CABLES2: variants seen among roughly 807,000 people sequenced by gnomAD.
CABLES2 encodes the protein Cdk5 and Abl enzyme substrate 2.
Under a neutral mutation model 44.8 loss-of-function variants are expected in CABLES2, and 35 were observed. That is an observed-to-expected ratio of 0.78 (90% CI 0.60 to 1.04). CABLES2 has a LOEUF of 1.04. Among genes scored for constraint, CABLES2 ranks in the 50% least tolerant of loss-of-function variants. The probability of loss-of-function intolerance (pLI) is 0.00; values close to 1 mark genes in which losing one functional copy is unlikely to be tolerated. For missense variants in CABLES2, 566 were observed against 615.7 expected (o/e 0.92, Z 0.85); for synonymous variants, 282 against 281.1 (o/e 1.00, Z -0.03).
chr20:62,394,845 G>A (rs914587282), intron 4 of CABLES2, 92 bp downstream of exon 4: 61 of 1,177,090 alleles, frequency 5.2e-5, no homozygotes, highest in Non-Finnish European at 1.8e-5. Flanking sequence ...TGGGGGCGCA[G>A]TGCCCGCTGA....
At chr20:62,406,825 A>C (rs1421650425) in intron 1 of CABLES2, 90 bp downstream of exon 1, 2 of 727,438 alleles carry the variant, frequency 2.7e-6, no homozygotes, top group African/African-American at 4.2e-5. Flanking sequence ...GGCCCCAAGT[A>C]ATCCTGACCC....
intron 1 of CABLES2, among the ~76,000 whole-genome samples, chr20:62,400,386 G>A (rs576130332): frequency 6.6e-6 from 1 of 152,368 alleles, no homozygotes; most frequent in Admixed American, 6.5e-5. Flanking sequence ...CGGCTGTCCC[G>A]AGAGGCCCAG....
rs1199095276 is a variant in CABLES2 at position 62,393,040 on chromosome 20, C to T, written c.881-17G>A. On this transcript the variant is annotated splice_polypyrimidine_tract_variant and intron_variant, in intron 6 of 9. Transcript: ENST00000279101. ...CGTCACTCCCTGTAAGAGAGGCAAC[C>T]CCTGACCCACCAGGAGTCTTGAGCA... 1 of 1,600,190 alleles carries T rather than the reference C, an allele frequency of 6.2e-7. No homozygotes were observed. Among genetic ancestry groups the T allele is most frequent in the Admixed American group, 1.7e-5 (1 of 59,960 alleles).
intron 1 of CABLES2, chr20:62,403,123 T>A (rs992749139): frequency 6.6e-6 from 1 of 152,276 alleles, no homozygotes; most frequent in African/African-American, 2.4e-5. Flanking sequence ...GGGCCACATC[T>A]GGCTGCAATT....
Position 62,388,731 on chromosome 20 carries a change from A to G in CABLES2, c.*2240T>C. 1.8e-6 allele frequency: 1 copy of G among 542,272 alleles called. No individual in the cohort carries two copies. Among genetic ancestry groups the G allele is most frequent in the Non-Finnish European group, 3.3e-6 (1 of 305,088 alleles). 33.6% of individuals were successfully genotyped at this position (542,272 alleles called of 1,614,324 possible). On this transcript the variant is annotated 3_prime_UTR_variant, in exon 10 of 10. Transcript: ENST00000279101. ...ACATTCTGAGGTCTGATACTTGCTT[A>G]TGCACACTGACATCCACAACTGCTA... is the stretch of plus-strand genomic sequence containing the variant.
chr20:62,396,694 C>A lies in CABLES2; in HGVS notation c.363-102G>T. 1 of 1,258,658 alleles carries A rather than the reference C, an allele frequency of 7.9e-7. No homozygotes were observed. The highest frequency in any genetic ancestry group is 1.1e-6 in the Non-Finnish European group (1 of 888,656). 78.0% of individuals were successfully genotyped at this position (1,258,658 alleles called of 1,614,324 possible). A position where few individuals can be genotyped will look rare whatever the true frequency, so the allele number is the denominator to read the frequency against. On this transcript the variant is annotated intron_variant, in intron 1 of 9. Coordinates refer to ENST00000279101, the MANE Select transcript of CABLES2 (RefSeq NM_031215.3). This position sits in a 1 kb window ranked among gnomAD's most constrained non-coding sequence, Gnocchi z 5.7. ...CCGCTGTGCAGGGAAGGGCCACTCT[C>A]CAGCCCAGCGGCGCACCCATGGGCC...
In CABLES2 at chr20:62,407,040, G is replaced by C. The variant is rs1988308489; in HGVS notation, c.237C>G (p.Arg79=). ...CCGGCGGCGGCGGCGCTGGCGGTTC[G>C]CGGGCCTCGGCGGGCGGCGGCGGGG... The part of the protein sequence containing the change: ...EKPPPPPAEA[R]EPPAPPPPEP... Residue 79 remains arginine, a synonymous_variant, in exon 1 of 10, where the codon CGC becomes CGG. Coordinates refer to ENST00000279101, the MANE Select transcript of CABLES2 (RefSeq NM_031215.3). 2 of 1,109,584 alleles carry C rather than the reference G, an allele frequency of 1.8e-6. No individual in the cohort carries two copies. Among genetic ancestry groups the C allele is most frequent in the Admixed American group, 5.0e-5 (1 of 19,814 alleles). The allele number at this position is 1,109,584 out of a possible 1,614,324, so 68.7% of individuals were successfully genotyped here. A position where few individuals can be genotyped will look rare whatever the true frequency, so the allele number is the denominator to read the frequency against.
chr20:62,394,997 G>A lies in CABLES2; in HGVS notation c.545C>T (p.Ala182Val). Residue 182 changes from alanine (A) to valine (V), a missense_variant, in exon 4 of 10, where the codon GCC becomes GTC. Ala to Val is a moderately conservative substitution (Grantham distance 64, BLOSUM62 0). Transcript: ENST00000279101. ...TRNSRIVLIC[A>V]KRSLCAAFSV... ...GAAGGCCGCGCACAGGGACCGCTTG[G>A]CACAGATGAGCACGATCCTGCAGGG... 6.2e-7 allele frequency: 1 copy of A among 1,612,938 alleles called. No individual in the cohort carries two copies. The highest frequency in any genetic ancestry group is 8.5e-7 in the Non-Finnish European group (1 of 1,179,926).
Position 62,390,885 on chromosome 20 carries a change from G to A in CABLES2, c.*86C>T. On this transcript the variant is annotated 3_prime_UTR_variant, in exon 10 of 10. Transcript: ENST00000279101. ...CCTGCTAGCAGGTGCTGGGGGTGCT[G>A]GCAGGAGGAGGCGCGGGGCTTCAGT... 6.5e-7 allele frequency: 1 copy of A among 1,533,036 alleles called. No homozygotes were observed. The highest frequency in any genetic ancestry group is 8.9e-7 in the Non-Finnish European group (1 of 1,117,592). The allele number at this position is 1,533,036 out of a possible 1,614,324, so 95.0% of individuals were successfully genotyped here. A position where few individuals can be genotyped will look rare whatever the true frequency, so the allele number is the denominator to read the frequency against.
At position 62,391,447 on chromosome 20, in the gene CABLES2, C is replaced by A. The variant is rs1197884558; in HGVS notation, c.1098G>T (p.Lys366Asn). The change falls in exon 9 of 10, where the codon AAG becomes AAT. Residue 366 changes from lysine to asparagine, a missense_variant. Coordinates refer to ENST00000279101, the MANE Select transcript of CABLES2 (RefSeq NM_031215.3). The surrounding 1 kb of genome is among the most constrained non-coding windows in gnomAD (Gnocchi z 5.7). ...KLTLSKIRSL[K>N]REMRSLSEEC... Reference sequence around the variant, plus strand: ...CCTCCGACAGGCTCCGCATCTCCCGCTTTAAGCTGTGGGTTAAGACAGAAG... The same window carrying A: ...CCTCCGACAGGCTCCGCATCTCCCGATTTAAGCTGTGGGTTAAGACAGAAG... 1.2e-6 allele frequency: 2 copies of A among 1,613,044 alleles called. No individual in the cohort carries two copies. Among genetic ancestry groups the A allele is most frequent in the South Asian group, 2.2e-5 (2 of 91,084 alleles).
intron 1 of CABLES2, among the ~76,000 whole-genome samples, chr20:62,400,137 C>A (rs1988161621): frequency 6.6e-6 from 1 of 152,242 alleles, no homozygotes. Context: ...CCTGCCCAGT[C>A]CCAGCTGGAG....
chr20:62,398,271 CGGT>C (rs72320666), intron 1 of CABLES2, among the ~76,000 whole-genome samples: 33,811 of 94,628 alleles, frequency 0.36, 5,418 homozygotes, highest in African/African-American at 0.49. Context: ...ATGGTGATGG[CGGT>C]GGTGGTGGTG....
intron 1 of CABLES2, chr20:62,402,326 C>G (rs1988204676): frequency 6.6e-6 from 1 of 152,236 alleles, no homozygotes; most frequent in Non-Finnish European, 1.5e-5. Flanking sequence ...GGGGCTGAGG[C>G]CTGAAGACCC....
At chr20:62,398,110 T>C (rs143583969) in intron 1 of CABLES2, among the ~76,000 whole-genome samples, 41,750 of 74,942 alleles carry the variant, frequency 0.56, 11,386 homozygotes, top group African/African-American at 0.71. Flanking sequence ...GTGGTGATGG[T>C]GGTGGTGGTG....
intron 1 of CABLES2, chr20:62,405,944 A>AG (rs1318179185): frequency 6.5e-6 from 1 of 152,972 alleles, no homozygotes; most frequent in African/African-American, 2.4e-5. Flanking sequence ...CTCTGGGAGA[A>AG]GGACACAGGG....
chr20:62,388,959 G>T lies in CABLES2; in HGVS notation c.*2012C>A. 1 of 166,240 alleles carries T rather than the reference G, an allele frequency of 6.0e-6. No individual in the cohort carries two copies. Among genetic ancestry groups the T allele is most frequent in the Non-Finnish European group, 1.3e-5 (1 of 76,210 alleles). 10.3% of individuals were successfully genotyped at this position (166,240 alleles called of 1,614,324 possible). On this transcript the variant is annotated 3_prime_UTR_variant, in exon 10 of 10. Coordinates refer to ENST00000279101, the MANE Select transcript of CABLES2 (RefSeq NM_031215.3). ...AAAATGGGACATAACTGAAGGGAAGGCTTCACACATCACAAAGACCGGGTT... is the reference window on the plus strand; with the variant it reads ...AAAATGGGACATAACTGAAGGGAAGTCTTCACACATCACAAAGACCGGGTT...
chr20:62,401,110 T>C (rs540889409), intron 1 of CABLES2, among the ~76,000 whole-genome samples: 1 of 152,252 alleles, frequency 6.6e-6, no homozygotes, highest in East Asian at 1.9e-4. Flanking sequence ...GTGGCGCCGC[T>C]CCCACTGTGT....
At position 62,391,053 on chromosome 20, in the gene CABLES2, A is replaced by G; in HGVS notation, c.1355T>C (p.Val452Ala). 2.5e-6 allele frequency: 4 copies of G among 1,614,162 alleles called. No individual in the cohort carries two copies. The highest frequency in any genetic ancestry group is 3.4e-6 in the Non-Finnish European group (4 of 1,180,040). ...RRDLIGFEFT[V>A]LVALELALYL... ...CAGGGCCAGCTCCAAGGCCACGAGC[A>G]CTGTGAACTCAAACCCTATCAGGTC... Residue 452 changes from valine (V) to alanine (A), a missense_variant, in exon 10 of 10, where the codon GTG (valine) becomes GCG (alanine). Physicochemically the swap from Val to Ala is moderately conservative, Grantham distance 64. This residue lies in a region of CABLES2 where 436 missense variants were observed against 536.3 expected (regional missense o/e 0.81). Coordinates refer to ENST00000279101, the MANE Select transcript of CABLES2 (RefSeq NM_031215.3). This position sits in a 1 kb window ranked among gnomAD's most constrained non-coding sequence, Gnocchi z 5.7.
At chr20:62,392,174 T>TG (rs1467243836) in intron 8 of CABLES2, among the ~76,000 whole-genome samples, 1 of 109,434 alleles carries the variant, frequency 9.1e-6, no homozygotes. Context: ...CAGTGGTGTG[T>TG]GGGGGGATGC....
Sources: allele counts gnomAD v4.1 joint callset (sites outside exome capture counted in the v4.1 genomes callset), GRCh38; gene constraint gnomAD v4.1.1; regional missense constraint gnomAD v4.1.1; non-coding constraint Gnocchi (gnomAD v3.1); transcripts MANE v1.5; gene names NCBI Gene and HGNC (gene_info 2026-07-23, HGNC 2026-07-21).